Variants in MRGPRX1 observed in about 807,000 individuals in gnomAD.
MRGPRX1 encodes the protein mas-related G protein-coupled receptor member X1.
For missense variants in MRGPRX1, 411 were observed against 393.8 expected (o/e 1.04, Z -0.37); for synonymous variants, 208 against 170.4 (o/e 1.22, Z -1.72).
chr11:18,934,701 CA>C lies in MRGPRX1; in HGVS notation c.83del (p.Leu28Ter), dbSNP rs1394113722. 5 of 1,609,986 alleles carry C rather than the reference CA, an allele frequency of 3.1e-6. 1 individual carries two copies. On this transcript the variant is annotated frameshift_variant, in exon 2 of 2. Transcript: ENST00000526914. LOFTEE classifies it low-confidence loss of function (END_TRUNC). ...TEETLCYKQT[L>X]SLTVLTCIVS... Reference sequence around the variant, plus strand: ...CGATGCACGTCAGCACCGTGAGGCTCAAGGTCTGCTTGTAGCAAAGAGTCTC... The same window carrying C: ...CGATGCACGTCAGCACCGTGAGGCTCAGGTCTGCTTGTAGCAAAGAGTCTC...
rs776492665 is a variant in MRGPRX1 at position 18,934,584 on chromosome 11, G to A, written c.201C>T (p.Asn67=). 15 of 1,609,686 alleles carry A rather than the reference G, an allele frequency of 9.3e-6. No individual in the cohort carries two copies. In the Admixed American group the frequency reaches 2.5e-4, roughly 27 times the overall value. The part of the protein sequence containing the change: ...RRNAFSIYIL[N]LAAADFLFLS... ...GGAAGAGGAAGTCTGCTGCGGCCAA[G>A]TTGAGGATGTAGATGGAGAAGGCGT... is the stretch of plus-strand genomic sequence containing the variant. Residue 67 remains asparagine (N), a synonymous_variant, in exon 2 of 2, where the codon AAC becomes AAT. Transcript: ENST00000526914.
In MRGPRX1 at chr11:18,934,057, T is replaced by C. The variant is rs547872486; in HGVS notation, c.728A>G (p.His243Arg). The C allele has an allele frequency of 1.2e-6, 2 of 1,610,582 alleles. No homozygotes were observed. The highest frequency in any genetic ancestry group is 2.7e-5 in the African/African-American group (2 of 74,652). ...ACAAAATAAGACTTCCCTGTCCACG[T>C]GGATCCATAAAAATAGGAAAAACTG... Reference protein sequence around the residue: ...GIQFFLFLWIHVDREVLFCHV... With the variant: ...GIQFFLFLWIRVDREVLFCHV... The change falls in exon 2 of 2, where the codon CAC becomes CGC. Residue 243 changes from histidine (H) to arginine (R), a missense_variant. Coordinates refer to ENST00000526914, the MANE Select transcript of MRGPRX1 (RefSeq NM_001393578.1).
In MRGPRX1 at chr11:18,934,398, C is replaced by T; in HGVS notation, c.387G>A (p.Trp129Ter). The change falls in exon 2 of 2, where the codon TGG becomes TGA. Residue 129 changes from tryptophan to a stop codon, truncating the protein, a stop_gained. Coordinates refer to ENST00000526914, the MANE Select transcript of MRGPRX1 (RefSeq NM_001393578.1). LOFTEE classifies it low-confidence loss of function (END_TRUNC). ...ERCLSVLWPI[W>*]YRCHRPTHLS... is the part of the protein sequence containing the mutation. ...GGTGTGTGGGGCGGTGGCAGCGGTA[C>T]CAGATGGGCCACAGGACGGACAGGC... 1.2e-6 allele frequency: 2 copies of T among 1,610,786 alleles called. 1 individual carries two copies. The highest frequency in any genetic ancestry group is 2.2e-5 in the South Asian group (2 of 90,774).
Position 18,934,243 on chromosome 11 carries a change from A to G in MRGPRX1, c.542T>C (p.Val181Ala). 2 of 1,610,460 alleles carry G rather than the reference A, an allele frequency of 1.2e-6. No homozygotes were observed. The highest frequency in any genetic ancestry group is 8.5e-7 in the Non-Finnish European group (1 of 1,178,074). ...AWCQTSDFIT[V>A]AWLIFLCVVL... ...CACACATAAAAAAATCAGCCACGCG[A>G]CTGTGATGAAATCTGATGTTTGACA... The change falls in exon 2 of 2, where the codon GTC becomes GCC. Residue 181 changes from valine (V) to alanine (A), a missense_variant. By Grantham distance (64) the Val-to-Ala change is moderately conservative. Coordinates refer to ENST00000526914, the MANE Select transcript of MRGPRX1 (RefSeq NM_001393578.1).
At position 18,934,482 on chromosome 11, in the gene MRGPRX1, C is replaced by G; in HGVS notation, c.303G>C (p.Val101=). Residue 101 remains valine (V), a synonymous_variant, in exon 2 of 2, where the codon GTG becomes GTC. Coordinates refer to ENST00000526914, the MANE Select transcript of MRGPRX1 (RefSeq NM_001393578.1). ...PHTISKILYP[V]MMFSYFAGLS... ...GGCCTGCAAAGTAGGAAAACATCAT[C>G]ACAGGATAGAGGATTTTAGAGATGG... is the stretch of plus-strand genomic sequence containing the variant. 6.2e-7 allele frequency: 1 copy of G among 1,610,694 alleles called. No individual in the cohort carries two copies. The highest frequency in any genetic ancestry group is 1.3e-5 in the African/African-American group (1 of 74,824).
In MRGPRX1 at chr11:18,939,280, C is replaced by G. The variant is rs562148610; in HGVS notation, c.-26G>C. The G allele has an allele frequency of 4.6e-5, 7 of 151,738 alleles. No homozygotes were observed. The South Asian group carries it at 1.0e-3, about 23-fold the overall frequency. 9.4% of individuals were successfully genotyped at this position (151,738 alleles called of 1,614,324 possible). The stretch of plus-strand genomic sequence containing the variant: ...GAAGAAGACAAATCTTGGTACTTAC[C>G]CTTATCTTTTTCTCCTTTGTCCAGT... On this transcript the variant is annotated splice_region_variant and 5_prime_UTR_variant, in exon 1 of 2. Coordinates refer to ENST00000526914, the MANE Select transcript of MRGPRX1 (RefSeq NM_001393578.1).
Position 18,934,099 on chromosome 11 carries a change from C to T in MRGPRX1, c.686G>A (p.Gly229Asp), listed in dbSNP as rs1297656501. 15 of 1,610,806 alleles carry T rather than the reference C, an allele frequency of 9.3e-6. 1 individual carries two copies. Among genetic ancestry groups the T allele is most frequent in the African/African-American group, 2.7e-5 (2 of 74,722 alleles). ...GAAAAACTGAATGCCAAAGGGCAGG[C>T]CACAGAGGAGGAAGACCAGTACTGT... ...LLTVLVFLLC[G>D]LPFGIQFFLF... Residue 229 changes from glycine to aspartate, a missense_variant, in exon 2 of 2, where the codon GGC (glycine) becomes GAC (aspartate). Coordinates refer to ENST00000526914, the MANE Select transcript of MRGPRX1 (RefSeq NM_001393578.1).
Position 18,934,510 on chromosome 11 carries a change from T to A in MRGPRX1, c.275A>T (p.His92Leu). ...AGGATAGAGGATTTTAGAGATGGTA[T>A]GGGGGATACTGATGAAGCTTAACAG... ...YSLLSFISIP[H>L]TISKILYPVM... The change falls in exon 2 of 2, where the codon CAT (histidine) becomes CTT (leucine). Residue 92 changes from histidine (H) to leucine (L), a missense_variant. His to Leu is a moderately conservative substitution (Grantham distance 99, BLOSUM62 -3). Coordinates refer to ENST00000526914, the MANE Select transcript of MRGPRX1 (RefSeq NM_001393578.1). The A allele has an allele frequency of 5.6e-6, 9 of 1,610,512 alleles. No individual in the cohort carries two copies. Among genetic ancestry groups the A allele is most frequent in the Non-Finnish European group, 7.6e-6 (9 of 1,178,040 alleles).
intron 1 of MRGPRX1, among the ~76,000 whole-genome samples, chr11:18,937,799 A>G (rs1848852595): frequency 6.6e-6 from 1 of 151,522 alleles, no homozygotes; most frequent in African/African-American, 2.4e-5. Context: ...CAAAAGAAAT[A>G]TGTTCTCTTT....
At chr11:18,936,705 A>G (rs996033369) in intron 1 of MRGPRX1, among the ~76,000 whole-genome samples, 7 of 151,546 alleles carry the variant, frequency 4.6e-5, no homozygotes, top group African/African-American at 1.5e-4. Context: ...CTGAAGCTTC[A>G]TAACGGCTAG....
At position 18,934,577 on chromosome 11, in the gene MRGPRX1, CG is replaced by C; in HGVS notation, c.207del (p.Ala70GlnfsTer16). ...CCGCTGAGGAAGAGGAAGTCTGCTG[CG>C]GCCAAGTTGAGGATGTAGATGGAGA... ...NAFSIYILNL[A>X]AADFLFLSGR... On this transcript the variant is annotated frameshift_variant, in exon 2 of 2. Coordinates refer to ENST00000526914, the MANE Select transcript of MRGPRX1 (RefSeq NM_001393578.1). LOFTEE classifies it low-confidence loss of function (END_TRUNC). 1 of 1,609,520 alleles carries C rather than the reference CG, an allele frequency of 6.2e-7. No individual in the cohort carries two copies.
intron 1 of MRGPRX1, among the ~76,000 whole-genome samples, chr11:18,937,434 G>A (rs1174521303): frequency 6.6e-6 from 1 of 151,440 alleles, no homozygotes; most frequent in African/African-American, 2.4e-5. Flanking sequence ...ACCAAAATCT[G>A]CAGATGCTCA....
rs200242972 is a variant in MRGPRX1, at chr11:18,934,617, C to T, written c.168G>A (p.Met56Ile). 8 of 1,610,406 alleles carry T rather than the reference C, an allele frequency of 5.0e-6. No homozygotes were observed. Among genetic ancestry groups the T allele is most frequent in the African/African-American group, 1.3e-5 (1 of 74,850 alleles). Residue 56 changes from methionine to isoleucine, a missense_variant, in exon 2 of 2, where the codon ATG becomes ATA. Met to Ile is a conservative substitution (Grantham distance 10). Coordinates refer to ENST00000526914, the MANE Select transcript of MRGPRX1 (RefSeq NM_001393578.1). ...TGTAGATGGAGAAGGCGTTCCTGCG[C>T]ATGCGGCAGCCCAGGAGCCAGAGCA... ...AVVLWLLGCRMRRNAFSIYIL... is the reference protein window; with the variant it reads ...AVVLWLLGCRIRRNAFSIYIL...
intron 1 of MRGPRX1, among the ~76,000 whole-genome samples, chr11:18,938,816 C>T (rs1414865211): frequency 6.6e-6 from 1 of 151,544 alleles, no homozygotes; most frequent in East Asian, 1.9e-4. Flanking sequence ...CTTAACCTTG[C>T]ACATCTTTGT....
chr11:18,938,492 T>G (rs1029272411), intron 1 of MRGPRX1, among the ~76,000 whole-genome samples: 1 of 151,476 alleles, frequency 6.6e-6, no homozygotes, highest in African/African-American at 2.4e-5. Flanking sequence ...GGGATAGTGT[T>G]AAGCCATTTA....
chr11:18,937,422 A>C (rs1402568416), intron 1 of MRGPRX1, among the ~76,000 whole-genome samples: 1 of 151,464 alleles, frequency 6.6e-6, no homozygotes, highest in African/African-American at 2.4e-5. Flanking sequence ...ACCCCAGCAC[A>C]CACCAAAATC....
chr11:18,934,256 C>G lies in MRGPRX1; in HGVS notation c.529G>C (p.Asp177His), dbSNP rs753057853. 1.1e-5 allele frequency: 17 copies of G among 1,610,476 alleles called. 1 individual carries two copies. The highest frequency in any genetic ancestry group is 1.4e-5 in the Non-Finnish European group (17 of 1,178,096). Residue 177 changes from aspartate to histidine, a missense_variant, in exon 2 of 2, where the codon GAT becomes CAT. Coordinates refer to ENST00000526914, the MANE Select transcript of MRGPRX1 (RefSeq NM_001393578.1). ...GADSAWCQTS[D>H]FITVAWLIFL... is the part of the protein sequence containing the mutation. ...ATCAGCCACGCGACTGTGATGAAAT[C>G]TGATGTTTGACACCAAGCAGAATCA...
Position 18,934,536 on chromosome 11 carries a change from GGAATATATAA to G in MRGPRX1, c.239_248del (p.Leu80ProfsTer3), listed in dbSNP as rs1443182097. On this transcript the variant is annotated frameshift_variant, in exon 2 of 2. Coordinates refer to ENST00000526914, the MANE Select transcript of MRGPRX1 (RefSeq NM_001393578.1). LOFTEE classifies it low-confidence loss of function (END_TRUNC). ...GGGGGATACTGATGAAGCTTAACAGGGAATATATAAGGCGGCCGCTGAGGAAGAGGAAGTC... is the reference window on the plus strand; with the variant it reads ...GGGGGATACTGATGAAGCTTAACAGGGGCGGCCGCTGAGGAAGAGGAAGTC... 1 of 1,610,362 alleles carries G rather than the reference GGAATATATAA, an allele frequency of 6.2e-7. No homozygotes were observed. Among genetic ancestry groups the G allele is most frequent in the African/African-American group, 1.3e-5 (1 of 74,842 alleles).
intron 1 of MRGPRX1, among the ~76,000 whole-genome samples, chr11:18,936,527 T>A (rs1200668433): frequency 1.3e-5 from 2 of 150,886 alleles, no homozygotes; most frequent in African/African-American, 2.4e-5. Flanking sequence ...GCATCAGGAG[T>A]GAGTGCATCC....
Sources: allele counts gnomAD v4.1 joint callset (sites outside exome capture counted in the v4.1 genomes callset), GRCh38; gene constraint gnomAD v4.1.1; transcripts MANE v1.5; gene names NCBI Gene and HGNC (gene_info 2026-07-23, HGNC 2026-07-21).